The following LAMA2 variants were observed in gnomAD, a reference collection of about 807,000 sequenced individuals.
LAMA2 encodes the protein laminin subunit alpha-2.
LAMA2 carries 269 observed loss-of-function variants against 364.8 expected under a neutral mutation model. That is an observed-to-expected ratio of 0.74 (90% CI 0.67 to 0.82). LAMA2 has a LOEUF of 0.82. Ranked by LOEUF, LAMA2 falls within the 40% of genes least tolerant of loss-of-function variation. The pLI, the probability that LAMA2 is intolerant of heterozygous loss-of-function variation, is 0.00. For synonymous variants in LAMA2, 1,379 were observed against 1,370.6 expected (o/e 1.01, Z -0.14); for missense variants, 3,807 against 3,873.2 (o/e 0.98, Z 0.45).
At chr6:129,422,575 A>G (rs1781129544) in intron 40 of LAMA2, among the ~76,000 whole-genome samples, 1 of 152,176 alleles carries the variant, frequency 6.6e-6, no homozygotes, top group South Asian at 2.1e-4. Context: ...GATATTATGA[A>G]CAATTTTATG....
chr6:129,207,362 C>T (rs1782746231), intron 12 of LAMA2, among the ~76,000 whole-genome samples: 1 of 151,634 alleles, frequency 6.6e-6, no homozygotes, highest in Non-Finnish European at 1.5e-5. Flanking sequence ...AGTAATAACT[C>T]AACTCCTGGT....
At chr6:129,209,172 T>C (rs1782919777) in intron 12 of LAMA2, among the ~76,000 whole-genome samples, 1 of 152,202 alleles carries the variant, frequency 6.6e-6, no homozygotes, top group Non-Finnish European at 1.5e-5. Context: ...TAATTTTAAA[T>C]TAAGATGTGA....
intron 4 of LAMA2, among the ~76,000 whole-genome samples, chr6:129,137,700 A>T (rs1777884579): frequency 6.6e-6 from 1 of 152,136 alleles, no homozygotes; most frequent in Admixed American, 6.5e-5. Flanking sequence ...TTGATTGAGG[A>T]AAGAGCTAAT....
intron 1 of LAMA2, among the ~76,000 whole-genome samples, chr6:129,049,280 T>C (rs1429600197): frequency 6.6e-6 from 1 of 152,218 alleles, no homozygotes; most frequent in African/African-American, 2.4e-5. Context: ...TAAAAACTTC[T>C]ATTATATCTA....
chr6:128,927,902 T>TA (rs1562839461), intron 1 of LAMA2, among the ~76,000 whole-genome samples: 2 of 151,190 alleles, frequency 1.3e-5, no homozygotes, highest in South Asian at 2.1e-4. Context: ...AATGTGGCTT[T>TA]AAAAAAAGTA....
At chr6:129,093,892 C>G (rs184442331) in intron 3 of LAMA2, among the ~76,000 whole-genome samples, 4 of 152,194 alleles carry the variant, frequency 2.6e-5, no homozygotes, top group Non-Finnish European at 5.9e-5. Flanking sequence ...TTAGGTTCCT[C>G]AAAGCCTAGC....
At chr6:128,962,438 G>A (rs1446271809) in intron 1 of LAMA2, among the ~76,000 whole-genome samples, 1 of 151,748 alleles carries the variant, frequency 6.6e-6, no homozygotes, top group East Asian at 1.9e-4. Context: ...TTAATTTTGT[G>A]TGTCTCACGT....
At chr6:128,969,266 A>G (rs772492365) in intron 1 of LAMA2, among the ~76,000 whole-genome samples, 3 of 152,188 alleles carry the variant, frequency 2.0e-5, no homozygotes, top group Non-Finnish European at 4.4e-5. Flanking sequence ...AATCACATGT[A>G]TGCAATTTAC....
chr6:128,967,951 C>A (rs978303914), intron 1 of LAMA2, among the ~76,000 whole-genome samples: 14 of 152,162 alleles, frequency 9.2e-5, no homozygotes, highest in African/African-American at 2.9e-4. Flanking sequence ...AGATCACAGA[C>A]CTAGTGCCTG....
At chr6:129,076,642 T>G (rs1773675853) in intron 3 of LAMA2, among the ~76,000 whole-genome samples, 2 of 151,278 alleles carry the variant, frequency 1.3e-5, no homozygotes, top group Admixed American at 1.3e-4. Context: ...AAATGTTGAC[T>G]ATGTAATTTT....
intron 1 of LAMA2, among the ~76,000 whole-genome samples, chr6:129,016,475 A>G (rs1785080557): frequency 6.6e-6 from 1 of 152,030 alleles, no homozygotes; most frequent in Non-Finnish European, 1.5e-5. Flanking sequence ...TAGTATCATA[A>G]TATTAGGAAT....
At chr6:128,895,220 A>G (rs1776692129) in intron 1 of LAMA2, among the ~76,000 whole-genome samples, 1 of 152,206 alleles carries the variant, frequency 6.6e-6, no homozygotes, top group Non-Finnish European at 1.5e-5. Flanking sequence ...ACATATAGAA[A>G]TCAAAATCTC....
intron 12 of LAMA2, among the ~76,000 whole-genome samples, chr6:129,221,688 T>C (rs1783865726): frequency 6.6e-6 from 1 of 152,178 alleles, no homozygotes; most frequent in South Asian, 2.1e-4. Context: ...TGACATTATC[T>C]TTTAAAGTTT....
intron 1 of LAMA2, among the ~76,000 whole-genome samples, chr6:128,962,176 A>G (rs1162616891): frequency 7.7e-6 from 1 of 129,274 alleles, no homozygotes; most frequent in African/African-American, 3.1e-5. Context: ...ATATATATAT[A>G]TATATATATA....
intron 17 of LAMA2, among the ~76,000 whole-genome samples, chr6:129,276,243 C>A (rs1788320735): frequency 6.6e-6 from 1 of 152,064 alleles, no homozygotes; most frequent in Non-Finnish European, 1.5e-5. Flanking sequence ...CCCAACTGTT[C>A]AAGATAATAA....
chr6:129,337,363 T>G (rs1165816311), intron 29 of LAMA2, among the ~76,000 whole-genome samples: 7 of 152,182 alleles, frequency 4.6e-5, no homozygotes, highest in Admixed American at 4.6e-4. Flanking sequence ...TTGCTAAATG[T>G]TTAGCTTGAA....
chr6:129,026,620 T>A (rs11154458), intron 1 of LAMA2, among the ~76,000 whole-genome samples: 5 of 151,970 alleles, frequency 3.3e-5, no homozygotes, highest in African/African-American at 1.2e-4. Context: ...AAGAAGTATA[T>A]TTCATGTGAG....
intron 18 of LAMA2, among the ~76,000 whole-genome samples, chr6:129,287,634 G>A (rs569776636): frequency 8.6e-4 from 131 of 152,188 alleles, no homozygotes; most frequent in African/African-American, 3.0e-3. Flanking sequence ...TTTTTTTCGG[G>A]CTGAAATCTA....
rs113782463 is a variant in LAMA2 at position 128,953,597 on chromosome 6, TTGTG to T, written c.112+70265_112+70268del. Reference sequence around the variant, plus strand: ...CATTTAAATGTTTGTGCCCATGGACTTGTGTGTGTGTGTGTGTGTGTGTGTGTGA... The same window carrying T: ...CATTTAAATGTTTGTGCCCATGGACTTGTGTGTGTGTGTGTGTGTGTGTGA... On this transcript the variant is annotated intron_variant, in intron 1 of 64. Coordinates refer to ENST00000421865, the MANE Select transcript of LAMA2 (RefSeq NM_000426.4). 1.7e-3 allele frequency among the ~76,000 whole-genome samples: 202 copies of T among 121,872 alleles called. 2 individuals are homozygous for T. The highest frequency in any genetic ancestry group is 0.015 in the East Asian group (74 of 5,022). The allele number at this position is 121,872 out of a possible 152,430, so 80.0% of individuals were successfully genotyped here.
Sources: gnomAD v4.1 joint callset for allele counts (sites outside exome capture counted in the v4.1 genomes callset) on GRCh38, gnomAD v4.1.1 for gene constraint, MANE v1.5 for transcripts, NCBI Gene and HGNC (gene_info 2026-07-23, HGNC 2026-07-21) for gene names.